MMP15: variants seen among roughly 807,000 people sequenced by gnomAD.
MMP15 encodes matrix metalloproteinase-15.
In MMP15, 36 loss-of-function variants were observed where a neutral mutation model predicts 65.0. That is an observed-to-expected ratio of 0.55 (90% CI 0.42 to 0.73). The LOEUF is 0.73. Ranked by LOEUF, MMP15 falls within the 30% of genes least tolerant of loss-of-function variation. The probability of loss-of-function intolerance (pLI) is 0.00; values close to 1 mark genes in which losing one functional copy is unlikely to be tolerated. For synonymous variants in MMP15, 428 were observed against 410.2 expected (o/e 1.04, Z -0.52); for missense variants, 870 against 987.8 (o/e 0.88, Z 1.60).
rs1739392050 is a variant in MMP15 at position 58,026,323 on chromosome 16, G to A, written c.-28G>A. ...CGCGTGCGAGGATCCGGCGTGCAGT[G>A]TTCCGAGCTGGGCTGGGCGCCGAGA... is the stretch of plus-strand genomic sequence containing the variant. On this transcript the variant is annotated 5_prime_UTR_variant, in exon 1 of 10. Transcript: ENST00000219271. 7.6e-7 allele frequency: 1 copy of A among 1,316,936 alleles called. No homozygotes were observed. The highest frequency in any genetic ancestry group is 9.7e-7 in the Non-Finnish European group (1 of 1,035,726). The allele number at this position is 1,316,936 out of a possible 1,614,324, so 81.6% of individuals were successfully genotyped here.
chr16:58,030,856 G>A (rs2142323450), intron 1 of MMP15, among the ~76,000 whole-genome samples: 1 of 152,244 alleles, frequency 6.6e-6, no homozygotes, highest in Middle Eastern at 3.4e-3. Context: ...TGAACTTCAA[G>A]ATCTCTATAA....
Position 58,039,895 on chromosome 16 carries a change from A to T in MMP15, c.461A>T (p.Lys154Met), listed in dbSNP as rs1280628815. 1.2e-6 allele frequency: 2 copies of T among 1,604,658 alleles called. No homozygotes were observed. Among genetic ancestry groups the T allele is most frequent in the East Asian group, 4.5e-5 (2 of 44,594 alleles). The change falls in exon 4 of 10, where the codon AAG (lysine) becomes ATG (methionine). Residue 154 changes from lysine to methionine, a missense_variant. By Grantham distance (95) the Lys-to-Met change is moderately conservative. Transcript: ENST00000219271. Reference protein sequence around the residue: ...LTFSIQNYTEKLGWYHSMEAV... With the variant: ...LTFSIQNYTEMLGWYHSMEAV... ...CCCAGCATCCAGAACTACACGGAGA[A>T]GTTGGGCTGGTACCACTCGATGGAG...
chr16:58,039,923 G>T lies in MMP15; in HGVS notation c.489G>T (p.Ala163=), dbSNP rs751000537. 1 of 1,610,600 alleles carries T rather than the reference G, an allele frequency of 6.2e-7. No individual in the cohort carries two copies. Among genetic ancestry groups the T allele is most frequent in the South Asian group, 1.1e-5 (1 of 91,042 alleles). Residue 163 remains alanine, a synonymous_variant, in exon 4 of 10, where the codon GCG becomes GCT. Coordinates refer to ENST00000219271, the MANE Select transcript of MMP15 (RefSeq NM_002428.4). ...EKLGWYHSME[A]VRRAFRVWEQ... ...TGGGCTGGTACCACTCGATGGAGGC[G>T]GTGCGCAGGGCCTTCCGCGTGTGGG...
At chr16:58,033,910 G>A (rs1180979095) in intron 1 of MMP15, among the ~76,000 whole-genome samples, 1 of 152,280 alleles carries the variant, frequency 6.6e-6, no homozygotes, top group African/African-American at 2.4e-5. Flanking sequence ...CTCAAAAAAA[G>A]AAAAGAAATG....
rs1378377517 is a variant in MMP15 at position 58,039,998 on chromosome 16, GCTGCGGCGA to G, written c.566_574del (p.Leu189_Arg191del). 3 of 1,613,942 alleles carry G rather than the reference GCTGCGGCGA, an allele frequency of 1.9e-6. No individual in the cohort carries two copies. The African/African-American group carries it at 4.0e-5, about 22-fold the overall frequency. Reference sequence around the variant, plus strand: ...AGGAGGTGCCCTATGAGGACATCCGGCTGCGGCGACAGAAGGAGGCCGACATCATGGTAC... The same window carrying G: ...AGGAGGTGCCCTATGAGGACATCCGGCAGAAGGAGGCCGACATCATGGTAC... On this transcript the variant is annotated inframe_deletion, in exon 4 of 10. Coordinates refer to ENST00000219271, the MANE Select transcript of MMP15 (RefSeq NM_002428.4).
At chr16:58,040,445 C>T (rs1959428628) in intron 4 of MMP15, 92 bp from the exon 5 acceptor site, 3 of 1,466,664 alleles carry the variant, frequency 2.0e-6, no homozygotes, top group African/African-American at 1.4e-5. Flanking sequence ...CAAGGGCAGG[C>T]TCTCTGGCAG....
intron 7 of MMP15, 91 bp from the exon 8 acceptor site, chr16:58,043,119 G>C (rs995335119): frequency 1.6e-6 from 2 of 1,255,886 alleles, no homozygotes; most frequent in African/African-American, 3.0e-5. Flanking sequence ...GGGTGTGAGT[G>C]TGATTTTGTG....
At chr16:58,042,136 C>T (rs1567431649) in intron 6 of MMP15, 95 bp from the exon 7 acceptor site, 1 of 1,470,354 alleles carries the variant, frequency 6.8e-7, no homozygotes, top group Non-Finnish European at 9.2e-7. Flanking sequence ...TCCCCTTGGG[C>T]CCACCCTCAC....
intron 7 of MMP15, 107 bp from the exon 8 acceptor site, chr16:58,043,103 G>A: frequency 1.9e-6 from 2 of 1,065,834 alleles, no homozygotes; most frequent in Non-Finnish European, 2.6e-6. Flanking sequence ...TCTTGAATAT[G>A]TAGAGGGGTG....
intron 1 of MMP15, among the ~76,000 whole-genome samples, chr16:58,032,157 GC>G (rs951054397): frequency 6.6e-6 from 1 of 152,206 alleles, no homozygotes; most frequent in Non-Finnish European, 1.5e-5. Flanking sequence ...GAGCTGCCAT[GC>G]CCTGCCCATG....
intron 1 of MMP15, among the ~76,000 whole-genome samples, chr16:58,032,660 G>A (rs1000070635): frequency 2.0e-5 from 3 of 152,244 alleles, no homozygotes; most frequent in Non-Finnish European, 4.4e-5. Flanking sequence ...ATCCCATTCA[G>A]CACAGGCTCT....
chr16:58,042,783 G>A (rs1055964925), intron 7 of MMP15, among the ~76,000 whole-genome samples: 6 of 152,228 alleles, frequency 3.9e-5, no homozygotes, highest in African/African-American at 1.4e-4. Flanking sequence ...CCACTGTCCT[G>A]AGCTTCAGTG....
At chr16:58,032,803 G>A (rs1959258620) in intron 1 of MMP15, among the ~76,000 whole-genome samples, 1 of 152,274 alleles carries the variant, frequency 6.6e-6, no homozygotes, top group South Asian at 2.1e-4. Flanking sequence ...TCCGGGGGCT[G>A]GATCCATCGC....
intron 7 of MMP15, among the ~76,000 whole-genome samples, 177 bp downstream of exon 7, chr16:58,042,546 G>C (rs571906688): frequency 2.7e-4 from 41 of 152,326 alleles, no homozygotes; most frequent in Non-Finnish European, 5.0e-4. Flanking sequence ...GAGGAAGATA[G>C]AGGCTGGAGG....
In MMP15 at chr16:58,041,843, G is replaced by T. The variant is rs1343453126; in HGVS notation, c.1137G>T (p.Met379Ile). The T allele has an allele frequency of 1.2e-6, 2 of 1,602,198 alleles. No individual in the cohort carries two copies. The highest frequency in any genetic ancestry group is 1.1e-5 in the South Asian group (1 of 88,822). The change falls in exon 6 of 10, where the codon ATG (methionine) becomes ATT (isoleucine). Residue 379 changes from methionine to isoleucine, a missense_variant. Coordinates refer to ENST00000219271, the MANE Select transcript of MMP15 (RefSeq NM_002428.4). ...ICDGDFDTVAMLRGEMFVFKG... is the reference protein window; with the variant it reads ...ICDGDFDTVAILRGEMFVFKG... ...ACGGGGACTTTGACACAGTGGCCAT[G>T]CTTCGCGGGGAGATGTTCGTGTTCA...
rs1401532223 is a variant in MMP15 at position 58,036,729 on chromosome 16, C to A, written c.163-743C>A. Among the ~76,000 whole-genome samples, 3 of 152,174 alleles carry A rather than the reference C, an allele frequency of 2.0e-5. No homozygotes were observed. The South Asian group carries it at 6.2e-4, about 32-fold the overall frequency. On this transcript the variant is annotated intron_variant, in intron 1 of 9. Transcript: ENST00000219271. Reference sequence around the variant, plus strand: ...GGATGGGTACCTGCATCTGTCTACTCCTTCCAGGAGATTTAAGGTCTTTGG... The same window carrying A: ...GGATGGGTACCTGCATCTGTCTACTACTTCCAGGAGATTTAAGGTCTTTGG...
intron 7 of MMP15, among the ~76,000 whole-genome samples, chr16:58,042,733 C>T (rs983301665): frequency 1.3e-5 from 2 of 152,234 alleles, no homozygotes; most frequent in African/African-American, 4.8e-5. Flanking sequence ...CGAGGTCTTG[C>T]AGGGCAGCGC....
intron 1 of MMP15, among the ~76,000 whole-genome samples, chr16:58,031,493 C>T (rs1963888675): frequency 6.6e-6 from 1 of 152,110 alleles, no homozygotes; most frequent in Non-Finnish European, 1.5e-5. Context: ...GGTGAGGACC[C>T]AAGGCCGGGC....
chr16:58,026,365 G>A lies in MMP15; in HGVS notation c.15G>A (p.Pro5=). Residue 5 remains proline, a synonymous_variant, in exon 1 of 10, where the codon CCG becomes CCA. Coordinates refer to ENST00000219271, the MANE Select transcript of MMP15 (RefSeq NM_002428.4). Reference sequence around the variant, plus strand: ...GCGCCGAGAGCATGGGCAGCGACCCGAGCGCGCCCGGACGGCCGGGCTGGA... The same window carrying A: ...GCGCCGAGAGCATGGGCAGCGACCCAAGCGCGCCCGGACGGCCGGGCTGGA... MGSD[P]SAPGRPGWTG... 7.3e-7 allele frequency: 1 copy of A among 1,364,576 alleles called. No homozygotes were observed. Among genetic ancestry groups the A allele is most frequent in the Non-Finnish European group, 9.4e-7 (1 of 1,066,506 alleles). The allele number at this position is 1,364,576 out of a possible 1,614,324, so 84.5% of individuals were successfully genotyped here.
Sources: gnomAD v4.1 joint callset for allele counts (sites outside exome capture counted in the v4.1 genomes callset) on GRCh38, gnomAD v4.1.1 for gene constraint, MANE v1.5 for transcripts, NCBI Gene and HGNC (gene_info 2026-07-23, HGNC 2026-07-21) for gene names.